Variants in PAPPA2 observed in about 807,000 individuals in gnomAD.
PAPPA2 encodes the protein pappalysin-2.
In PAPPA2, 86 loss-of-function variants were observed where a neutral mutation model predicts 176.4. The ratio of observed to expected loss-of-function variants is 0.49; its 90% CI spans 0.41 to 0.58. The LOEUF (loss-of-function observed/expected upper bound fraction) is 0.58. Among genes scored for constraint, PAPPA2 ranks in the 20% least tolerant of loss-of-function variants. The pLI is 0.00. For missense variants in PAPPA2, 2,073 were observed against 2,256.9 expected (o/e 0.92, Z 1.65); for synonymous variants, 809 against 852.2 (o/e 0.95, Z 0.88).
At chr1:176,582,843 T>C (rs1158508833) in intron 2 of PAPPA2, among the ~76,000 whole-genome samples, 1 of 152,202 alleles carries the variant, frequency 6.6e-6, no homozygotes, top group Non-Finnish European at 1.5e-5. Context: ...ATATTAGTTA[T>C]TTAAAGTTTT....
rs60408476 is a variant in PAPPA2 at position 176,774,755 on chromosome 1, C to T, written c.4715+3575C>T. ...GAAAATGAATGACCAGCCTACCTGC[C>T]ACTCTATTTAAGGGGAAAAGTTGAA... On this transcript the variant is annotated intron_variant, in intron 17 of 22. Coordinates refer to ENST00000367662, the MANE Select transcript of PAPPA2 (RefSeq NM_020318.3). Among the ~76,000 whole-genome samples the T allele has an allele frequency of 2.7e-3, 394 of 145,622 alleles. 3 individuals are homozygous for T. The highest frequency in any genetic ancestry group is 0.01 in the African/African-American group (377 of 37,378).
chr1:176,541,327 G>A (rs1650353683), intron 1 of PAPPA2, among the ~76,000 whole-genome samples: 1 of 152,206 alleles, frequency 6.6e-6, no homozygotes, highest in Non-Finnish European at 1.5e-5. Context: ...TCAGGATTCA[G>A]CCAGAATACC....
rs1436338132 is a variant in PAPPA2 at position 176,791,338 on chromosome 1, A to G, written c.4885-9A>G. On this transcript the variant is annotated splice_polypyrimidine_tract_variant and intron_variant, in intron 18 of 22. Coordinates refer to ENST00000367662, the MANE Select transcript of PAPPA2 (RefSeq NM_020318.3). ...ACAATAATTAAGATGTTTACTTTTG[A>G]TATTCTAGCTTCCCATCCTCTGCAC... 3 of 1,603,824 alleles carry G rather than the reference A, an allele frequency of 1.9e-6. No individual in the cohort carries two copies. The highest frequency in any genetic ancestry group is 4.5e-5 in the East Asian group (2 of 44,764).
chr1:176,686,846 G>A (rs1400946135), intron 4 of PAPPA2, among the ~76,000 whole-genome samples: 2 of 152,098 alleles, frequency 1.3e-5, no homozygotes, highest in African/African-American at 4.8e-5. Context: ...AAGAGATTAG[G>A]GGAAAGGTTG....
intron 1 of PAPPA2, among the ~76,000 whole-genome samples, chr1:176,526,103 G>A (rs1171476804): frequency 2.6e-5 from 4 of 152,192 alleles, no homozygotes; most frequent in African/African-American, 9.7e-5. Flanking sequence ...TAACTCTGAA[G>A]CTGTTTATGG....
At chr1:176,538,347 G>A (rs961854552) in intron 1 of PAPPA2, among the ~76,000 whole-genome samples, 1 of 152,172 alleles carries the variant, frequency 6.6e-6, no homozygotes, top group South Asian at 2.1e-4. Flanking sequence ...CACCAGTGTG[G>A]TCAGTGCTGT....
chr1:176,666,608 T>TGAGAGAGA (rs55742086), intron 3 of PAPPA2, among the ~76,000 whole-genome samples: 12 of 101,360 alleles, frequency 1.2e-4, no homozygotes, highest in African/African-American at 1.8e-4. Context: ...TGTGTGTGTG[T>TGAGAGAGA]GAGAGAGAGA....
intron 21 of PAPPA2, among the ~76,000 whole-genome samples, chr1:176,807,497 CTT>C (rs1156629514): frequency 1.7e-4 from 23 of 137,678 alleles, no homozygotes; most frequent in Non-Finnish European, 1.8e-4. Context: ...TTCTTTCTTT[CTT>C]TTTTTTTTTT....
intron 17 of PAPPA2, among the ~76,000 whole-genome samples, chr1:176,781,830 T>G (rs1179770501): frequency 3.3e-5 from 5 of 152,208 alleles, no homozygotes; most frequent in Admixed American, 6.5e-5. Context: ...ATATTGCTGC[T>G]CTAGGTACCA....
intron 9 of PAPPA2, among the ~76,000 whole-genome samples, chr1:176,704,758 A>G (rs1660806618): frequency 6.6e-6 from 1 of 152,216 alleles, no homozygotes; most frequent in African/African-American, 2.4e-5. Context: ...ATGTGCTGTA[A>G]GTGAAAAATA....
chr1:176,691,235 T>C (rs77357133), intron 5 of PAPPA2: 63,756 of 938,032 alleles, frequency 0.068, 2,303 homozygotes, highest in South Asian at 0.13. Context: ...ATTTTTTCTA[T>C]AAGTTTTGGG....
intron 3 of PAPPA2, among the ~76,000 whole-genome samples, chr1:176,660,483 C>T (rs1043884042): frequency 6.6e-6 from 1 of 151,972 alleles, no homozygotes; most frequent in African/African-American, 2.4e-5. Context: ...AAACTTACAT[C>T]GTATGAATTC....
chr1:176,594,581 G>A lies in PAPPA2; in HGVS notation c.977G>A (p.Arg326His), dbSNP rs372509506. The A allele has an allele frequency of 1.1e-4, 183 of 1,614,028 alleles. No homozygotes were observed. The highest frequency in any genetic ancestry group is 3.3e-4 in the Middle Eastern group (2 of 6,084). Residue 326 changes from arginine (R) to histidine (H), a missense_variant, in exon 3 of 23, where the codon CGC (arginine) becomes CAC (histidine). Arg to His is a conservative substitution (Grantham distance 29, BLOSUM62 0). This residue lies in a region of PAPPA2 where 1,196 missense variants were observed against 1,330.4 expected (regional missense o/e 0.90). Coordinates refer to ENST00000367662, the MANE Select transcript of PAPPA2 (RefSeq NM_020318.3). The stretch of plus-strand genomic sequence containing the variant: ...GACAAAGGCTGGGCCCTGGGGATCC[G>A]CTCAGGGAAGGACAAGGGAAAGCGG... ...VSDKGWALGI[R>H]SGKDKGKRDA...
chr1:176,805,235 A>G (rs925608916), intron 21 of PAPPA2, among the ~76,000 whole-genome samples: 7 of 152,202 alleles, frequency 4.6e-5, no homozygotes, highest in African/African-American at 1.7e-4. Context: ...TTATCTTATA[A>G]TTATAGTCTC....
chr1:176,615,517 CG>C (rs1295603592), intron 3 of PAPPA2, among the ~76,000 whole-genome samples: 1 of 151,948 alleles, frequency 6.6e-6, no homozygotes, highest in Non-Finnish European at 1.5e-5. Context: ...TTAGTAGGGA[CG>C]GGGTTTCACT....
At chr1:176,653,317 C>T (rs949503760) in intron 3 of PAPPA2, among the ~76,000 whole-genome samples, 2 of 151,680 alleles carry the variant, frequency 1.3e-5, no homozygotes, top group African/African-American at 4.8e-5. Flanking sequence ...AAGGAACATT[C>T]CCTCACTGTA....
At chr1:176,503,517 A>G (rs992697073) in intron 1 of PAPPA2, among the ~76,000 whole-genome samples, 4 of 152,162 alleles carry the variant, frequency 2.6e-5, no homozygotes, top group South Asian at 2.1e-4. Context: ...CCACATTAAC[A>G]CAGAAAAATT....
intron 12 of PAPPA2, among the ~76,000 whole-genome samples, chr1:176,723,269 G>GACATGAAC (rs748029367): frequency 8.5e-5 from 13 of 152,136 alleles, no homozygotes; most frequent in Non-Finnish European, 1.8e-4. Context: ...AAAATTCCAA[G>GACATGAAC]ACATGAACTT....
intron 12 of PAPPA2, among the ~76,000 whole-genome samples, chr1:176,731,149 T>G (rs1662120585): frequency 6.6e-6 from 1 of 152,092 alleles, no homozygotes; most frequent in African/African-American, 2.4e-5. Context: ...TCTCTATTGC[T>G]CTTTTCCTTT....
Sources: gnomAD v4.1 joint callset for allele counts (sites outside exome capture counted in the v4.1 genomes callset) on GRCh38, gnomAD v4.1.1 for gene constraint, gnomAD v4.1.1 regional missense constraint, MANE v1.5 for transcripts, NCBI Gene and HGNC (gene_info 2026-07-23, HGNC 2026-07-21) for gene names.